Variants in ANKMY1 observed in about 807,000 individuals in gnomAD.
The protein encoded by ANKMY1 is ankyrin repeat and MYND domain-containing protein 1.
Under a neutral mutation model 102.0 loss-of-function variants are expected in ANKMY1, and 98 were observed. That is an observed-to-expected ratio of 0.96 (90% CI 0.82 to 1.14). The LOEUF (loss-of-function observed/expected upper bound fraction) is 1.14. ANKMY1 is among the 50% of genes most tolerant of loss of function. The pLI is 0.00. For missense variants in ANKMY1, 1,330 were observed against 1,347.6 expected, an observed-to-expected ratio of 0.99 and a Z score of 0.20; for synonymous variants, 582 against 559.9, an observed-to-expected ratio of 1.04 and a Z score of -0.56.
At chr2:240,544,915 G>T (rs1231773952) in intron 4 of ANKMY1, among the ~76,000 whole-genome samples, 1 of 151,748 alleles carries the variant, frequency 6.6e-6, no homozygotes, top group Non-Finnish European at 1.5e-5. Context: ...ACTGCAAGGC[G>T]GCAGCGAGGC....
Position 240,481,038 on chromosome 2 carries a change from G to A in ANKMY1, c.2945C>T (p.Pro982Leu). The A allele has an allele frequency of 6.2e-7, 1 of 1,613,888 alleles. No homozygotes were observed. The highest frequency in any genetic ancestry group is 8.5e-7 in the Non-Finnish European group (1 of 1,179,844). Residue 982 changes from proline to leucine, a missense_variant, in exon 17 of 18, where the codon CCC (proline) becomes CTC (leucine). Pro to Leu is a moderately conservative substitution (Grantham distance 98). Transcript: ENST00000401804. ...CGRSIGVRLLPCPRCYGILTC... is the reference protein window; with the variant it reads ...CGRSIGVRLLLCPRCYGILTC... ...CAGGATCCCGTAGCAGCGAGGGCAG[G>A]GCAAGAGGCGGACCCCGATGGAGCG...
chr2:240,538,087 A>T (rs558023110), intron 4 of ANKMY1, among the ~76,000 whole-genome samples: 2 of 152,178 alleles, frequency 1.3e-5, no homozygotes, highest in Non-Finnish European at 2.9e-5. Flanking sequence ...ATTTGGCTTA[A>T]GTTTTTCTTT....
chr2:240,474,345 G>C, the ANKMY1 span, among the ~76,000 whole-genome samples: 1 of 141,140 alleles, frequency 7.1e-6, no homozygotes, highest in African/African-American at 2.7e-5. Flanking sequence ...CTGACCTTGT[G>C]ATCCACCCGC....
At chr2:240,503,676 T>C (rs553039683) in intron 13 of ANKMY1, among the ~76,000 whole-genome samples, 1 of 152,206 alleles carries the variant, frequency 6.6e-6, no homozygotes, top group African/African-American at 2.4e-5. Context: ...CCAAGAACAG[T>C]AGCCAAGGAG....
At chr2:240,539,939 C>T (rs1559361093) in intron 4 of ANKMY1, among the ~76,000 whole-genome samples, 2 of 152,270 alleles carry the variant, frequency 1.3e-5, no homozygotes, top group South Asian at 4.1e-4. Flanking sequence ...ACACAACTGA[C>T]CAGCACTAAT....
rs1362959412 is a variant in ANKMY1 at position 240,499,295 on chromosome 2, G to A, written c.2806+663C>T. 4.0e-5 allele frequency among the ~76,000 whole-genome samples: 6 copies of A among 149,440 alleles called. No individual in the cohort carries two copies. In the South Asian group the frequency reaches 8.6e-4, roughly 21 times the overall value. ...GATGTGTAAGTGGGTCTGTGTGTGCGAGGTAGACAAGAGTAGGTAAATGTG... is the reference window on the plus strand; with the variant it reads ...GATGTGTAAGTGGGTCTGTGTGTGCAAGGTAGACAAGAGTAGGTAAATGTG... On this transcript the variant is annotated intron_variant, in intron 15 of 17. Transcript: ENST00000401804. The surrounding 1 kb of genome is among the most constrained non-coding windows in gnomAD (Gnocchi z 4.2).
chr2:240,475,714 C>G (rs1433256928), downstream of ANKMY1, among the ~76,000 whole-genome samples: 2 of 151,772 alleles, frequency 1.3e-5, no homozygotes, highest in Non-Finnish European at 2.9e-5. Context: ...TTGTATCTTG[C>G]AACTTTAATG....
chr2:240,495,993 G>A (rs2077210031), intron 15 of ANKMY1, among the ~76,000 whole-genome samples: 1 of 152,172 alleles, frequency 6.6e-6, no homozygotes, highest in African/African-American at 2.4e-5. Context: ...TCTGTACACT[G>A]CTCTGGTTCT....
chr2:240,487,287 G>C (rs1199068443), intron 15 of ANKMY1, among the ~76,000 whole-genome samples: 1 of 152,174 alleles, frequency 6.6e-6, no homozygotes, highest in African/African-American at 2.4e-5. Context: ...AGTTCCACTT[G>C]TGTGGCTACA....
chr2:240,502,975 T>C (rs1201819144), intron 13 of ANKMY1, among the ~76,000 whole-genome samples: 3 of 151,604 alleles, frequency 2.0e-5, no homozygotes, highest in Non-Finnish European at 2.9e-5. Context: ...AGCTGGCCCC[T>C]CCATCCCCAG....
rs766948089 is a variant in ANKMY1, at chr2:240,554,858, G to A, written c.336+8C>T. 9.3e-6 allele frequency: 15 copies of A among 1,613,862 alleles called. No homozygotes were observed. Among genetic ancestry groups the A allele is most frequent in the East Asian group, 8.9e-5 (4 of 44,904 alleles). On this transcript the variant is annotated splice_region_variant and intron_variant, in intron 3 of 17. Transcript: ENST00000401804. ...GGGAGGAGGCGGAGAAAGTGTGGAA[G>A]CAGTTACCTCGCCTGTGGGCCAAGA...
chr2:240,497,355 G>A (rs563719572), intron 15 of ANKMY1, among the ~76,000 whole-genome samples: 2 of 152,340 alleles, frequency 1.3e-5, no homozygotes, highest in South Asian at 4.1e-4. Flanking sequence ...GCTGGGGGCA[G>A]GATGAGAATT....
chr2:240,509,839 C>T (rs1243307870), intron 11 of ANKMY1, among the ~76,000 whole-genome samples: 1 of 152,020 alleles, frequency 6.6e-6, no homozygotes, highest in Non-Finnish European at 1.5e-5. Context: ...TCCACCAGGG[C>T]TCAGTGATCG....
intron 5 of ANKMY1, among the ~76,000 whole-genome samples, chr2:240,528,718 G>A (rs925300314): frequency 5.3e-5 from 8 of 152,086 alleles, no homozygotes; most frequent in African/African-American, 1.2e-4. Flanking sequence ...CACCAGCCTC[G>A]GGACTCCCCT....
rs545881488 is a variant in ANKMY1 at position 240,482,065 on chromosome 2, T to C, written c.2885+118A>G. 24 of 1,154,246 alleles carry C rather than the reference T, an allele frequency of 2.1e-5. No individual in the cohort carries two copies. In the South Asian group the frequency reaches 2.8e-4, roughly 13 times the overall value. 71.5% of individuals were successfully genotyped at this position (1,154,246 alleles called of 1,614,324 possible). A position where few individuals can be genotyped will look rare whatever the true frequency, so the allele number is the denominator to read the frequency against. On this transcript the variant is annotated intron_variant, in intron 16 of 17. Transcript: ENST00000401804. ...GACTTCCTAGAGGAGGCCATGCCAC[T>C]TGGGGGTCAGATGGCATGGAGGCTG...
At chr2:240,513,325 CCT>C (rs2080597816) in intron 9 of ANKMY1, among the ~76,000 whole-genome samples, 1 of 152,228 alleles carries the variant, frequency 6.6e-6, no homozygotes, top group Admixed American at 6.5e-5. Flanking sequence ...GACTCCAGCC[CCT>C]GACCTGTCCA....
chr2:240,477,683 A>C (rs963987825), downstream of ANKMY1, among the ~76,000 whole-genome samples: 1 of 152,278 alleles, frequency 6.6e-6, no homozygotes, highest in East Asian at 1.9e-4. Context: ...CACCTCCCCC[A>C]GTTATTTTTA....
chr2:240,548,899 T>C (rs1352039396), intron 4 of ANKMY1, among the ~76,000 whole-genome samples: 2 of 152,320 alleles, frequency 1.3e-5, no homozygotes, highest in South Asian at 2.1e-4. Flanking sequence ...TCCATGCTCA[T>C]TGGGAGGAAG....
intron 16 of ANKMY1, 130 bp downstream of exon 16, chr2:240,482,053 A>T: frequency 3.1e-6 from 3 of 976,942 alleles, no homozygotes; most frequent in Non-Finnish European, 4.7e-6. Context: ...TTCCTAGAGG[A>T]GGCCATGCCA....
Sources: gnomAD v4.1 joint callset for allele counts (sites outside exome capture counted in the v4.1 genomes callset) on GRCh38, gnomAD v4.1.1 for gene constraint, Gnocchi (gnomAD v3.1) non-coding constraint, MANE v1.5 for transcripts, NCBI Gene and HGNC (gene_info 2026-07-23, HGNC 2026-07-21) for gene names.